Variants in EYS observed in about 807,000 individuals in gnomAD.
The protein encoded by EYS is EGF-like photoreceptor maintenance factor.
A neutral mutation model predicts 282.1 loss-of-function variants in EYS; 250 were observed. The observed-to-expected ratio is 0.89, with a 90% CI of 0.80 to 0.98. The LOEUF is 0.98. Among genes scored for constraint, EYS ranks in the 50% least tolerant of loss-of-function variants. EYS has a pLI of 0.00. For synonymous variants in EYS, 1,355 were observed against 1,282.9 expected, an observed-to-expected ratio of 1.06 and a Z score of -1.20; for missense variants, 4,016 against 3,709.0, an observed-to-expected ratio of 1.08 and a Z score of -2.15.
chr6:65,178,740 G>C (rs530974994), intron 12 of EYS, among the ~76,000 whole-genome samples: 15 of 151,952 alleles, frequency 9.9e-5, no homozygotes, highest in South Asian at 2.1e-4. Context: ...CTCTCCACCC[G>C]AAATCAACAG....
chr6:64,018,002 G>A (rs1224690568), intron 33 of EYS, among the ~76,000 whole-genome samples: 1 of 152,108 alleles, frequency 6.6e-6, no homozygotes, highest in Non-Finnish European at 1.5e-5. Flanking sequence ...AGAGATCCAT[G>A]CAGTAGCATT....
At chr6:65,383,990 AT>A (rs1765711105) in intron 8 of EYS, among the ~76,000 whole-genome samples, 2 of 151,874 alleles carry the variant, frequency 1.3e-5, no homozygotes, top group South Asian at 4.1e-4. Context: ...GACATTTTGT[AT>A]TTGTAAAGTA....
chr6:64,981,966 G>A (rs1196802776), intron 14 of EYS, among the ~76,000 whole-genome samples: 1 of 151,292 alleles, frequency 6.6e-6, no homozygotes. Flanking sequence ...TGTAGGAAGG[G>A]TCCCCTTTTT....
intron 36 of EYS, among the ~76,000 whole-genome samples, chr6:63,838,351 C>T (rs60761445): frequency 0.13 from 20,212 of 151,840 alleles, 1,681 homozygotes; most frequent in African/African-American, 0.24. Context: ...TGATTAGGAG[C>T]TGGATTTTGT....
intron 35 of EYS, among the ~76,000 whole-genome samples, chr6:63,926,353 G>A (rs1298739026): frequency 6.6e-6 from 1 of 152,150 alleles, no homozygotes; most frequent in Non-Finnish European, 1.5e-5. Flanking sequence ...AGCAGGAAGG[G>A]CCCTTAGCAT....
At chr6:65,249,394 C>G (rs1197966888) in intron 12 of EYS, among the ~76,000 whole-genome samples, 1 of 151,870 alleles carries the variant, frequency 6.6e-6, no homozygotes, top group African/African-American at 2.4e-5. Flanking sequence ...ATGAAGAGAA[C>G]CAAAATTTTT....
rs577869979 is a variant in EYS, at chr6:64,053,022, T to G, written c.6725+13316A>C. On this transcript the variant is annotated intron_variant, in intron 33 of 42. Transcript: ENST00000503581. ...TGGCAAATACATTAAAATTTTTGAT[T>G]TATAATAAGTATAGCAGCATATAAT... Among the ~76,000 whole-genome samples, 5 of 152,268 alleles carry G rather than the reference T, an allele frequency of 3.3e-5. No homozygotes were observed. In the East Asian group the frequency reaches 9.6e-4, roughly 29 times the overall value.
chr6:65,326,473 A>G (rs1769625429), intron 11 of EYS, among the ~76,000 whole-genome samples: 1 of 151,426 alleles, frequency 6.6e-6, no homozygotes, highest in Non-Finnish European at 1.5e-5. Flanking sequence ...CTCCCTCAGT[A>G]GAATGTTTGA....
chr6:64,484,424 C>T (rs1425571931), intron 26 of EYS, among the ~76,000 whole-genome samples: 2 of 151,398 alleles, frequency 1.3e-5, no homozygotes, highest in East Asian at 1.9e-4. Flanking sequence ...TCAGAAAGCA[C>T]AATCATGGGC....
chr6:65,468,254 C>T (rs544007331), intron 5 of EYS, among the ~76,000 whole-genome samples: 1 of 152,132 alleles, frequency 6.6e-6, no homozygotes, highest in African/African-American at 2.4e-5. Flanking sequence ...GACAGTGACA[C>T]ATATAACTTA....
chr6:64,172,615 T>A (rs1378321293), intron 31 of EYS, among the ~76,000 whole-genome samples: 1 of 152,164 alleles, frequency 6.6e-6, no homozygotes, highest in Non-Finnish European at 1.5e-5. Context: ...CAGGCAGCAA[T>A]GCTCACTCAC....
chr6:64,197,438 T>C (rs1765325253), intron 31 of EYS, among the ~76,000 whole-genome samples: 1 of 152,182 alleles, frequency 6.6e-6, no homozygotes, highest in Non-Finnish European at 1.5e-5. Flanking sequence ...GAAGCTCAAG[T>C]TCACTAGTGA....
intron 31 of EYS, among the ~76,000 whole-genome samples, chr6:64,098,354 CAA>C (rs1312632347): frequency 3.9e-5 from 6 of 151,980 alleles, no homozygotes; most frequent in Non-Finnish European, 7.4e-5. Context: ...ATAAGTGGAT[CAA>C]TTTATATTAT....
rs191568019 is a variant in EYS, at chr6:64,965,045, G to T, written c.2260-19131C>A. ...AGACTCCATCTCAAAAAAATAAAAA[G>T]AAATTAATTTTATATAAAACAATTT... On this transcript the variant is annotated intron_variant, in intron 14 of 42. Transcript: ENST00000503581. Among the ~76,000 whole-genome samples the T allele has an allele frequency of 3.9e-5, 6 of 151,978 alleles. No homozygotes were observed. The East Asian group carries it at 9.7e-4, about 25-fold the overall frequency.
At chr6:65,136,189 C>G (rs922803645) in intron 12 of EYS, among the ~76,000 whole-genome samples, 1 of 151,852 alleles carries the variant, frequency 6.6e-6, no homozygotes, top group Non-Finnish European at 1.5e-5. Flanking sequence ...AAAGTTTGAT[C>G]CATAGCATAT....
rs182430037 is a variant in EYS at position 63,741,901 on chromosome 6, A to C, written c.8072-15221T>G. The C allele has an allele frequency of 1.1e-4, 77 of 702,234 alleles. No individual in the cohort carries two copies. In the East Asian group the frequency reaches 2.0e-3, roughly 19 times the overall value. The allele number at this position is 702,234 out of a possible 1,614,324, so 43.5% of individuals were successfully genotyped here. ...CGTATGTTTTTGTTTTGCTGTTTGT[A>C]CTGGTCCTTACCCTCCTTCTTCACT... On this transcript the variant is annotated intron_variant, in intron 41 of 42. Coordinates refer to ENST00000503581, the MANE Select transcript of EYS (RefSeq NM_001142800.2).
At chr6:63,956,853 AT>A (rs888018774) in intron 35 of EYS, among the ~76,000 whole-genome samples, 9 of 151,690 alleles carry the variant, frequency 5.9e-5, no homozygotes, top group Admixed American at 2.6e-4. Context: ...TGTGACTAAA[AT>A]TTTTTTTTGG....
chr6:63,861,231 A>G (rs1428534322), intron 36 of EYS, among the ~76,000 whole-genome samples: 1 of 152,218 alleles, frequency 6.6e-6, no homozygotes, highest in Non-Finnish European at 1.5e-5. Context: ...CATCTACACT[A>G]TAGTTCAGAC....
At chr6:64,814,547 T>TCATAC (rs1222668572) in intron 21 of EYS, among the ~76,000 whole-genome samples, 1 of 152,062 alleles carries the variant, frequency 6.6e-6, no homozygotes, top group Non-Finnish European at 1.5e-5. Flanking sequence ...TTCTACCATA[T>TCATAC]CATACCATAT....
Sources: gnomAD v4.1 joint callset for allele counts (sites outside exome capture counted in the v4.1 genomes callset) on GRCh38, gnomAD v4.1.1 for gene constraint, MANE v1.5 for transcripts, NCBI Gene and HGNC (gene_info 2026-07-23, HGNC 2026-07-21) for gene names.